Variants in MARCHF3 observed in about 807,000 individuals in gnomAD.
The protein encoded by MARCHF3 is E3 ubiquitin-protein ligase MARCHF3.
Under a neutral mutation model 24.2 loss-of-function variants are expected in MARCHF3, and 13 were observed. The observed-to-expected ratio is 0.54, with a 90% CI of 0.35 to 0.85. The LOEUF is 0.85. Ranked by LOEUF, MARCHF3 falls within the 40% of genes least tolerant of loss-of-function variation. The pLI, the probability that MARCHF3 is intolerant of heterozygous loss-of-function variation, is 0.01. For synonymous variants in MARCHF3, 144 were observed against 137.3 expected (o/e 1.05, Z -0.34); for missense variants, 276 against 325.0 (o/e 0.85, Z 1.16).
chr5:126,934,637 G>C (rs2126805772), intron 1 of MARCHF3, among the ~76,000 whole-genome samples: 1 of 151,938 alleles, frequency 6.6e-6, no homozygotes, highest in East Asian at 1.9e-4. Flanking sequence ...CTTTAAGTTG[G>C]TATGGAGAAT....
At chr5:126,895,361 G>A (rs915954032) in intron 3 of MARCHF3, among the ~76,000 whole-genome samples, 5 of 152,244 alleles carry the variant, frequency 3.3e-5, no homozygotes, top group South Asian at 2.1e-4. Flanking sequence ...GAGGAACTGC[G>A]TTCCTTTGGA....
intron 3 of MARCHF3, among the ~76,000 whole-genome samples, chr5:126,908,887 G>A (rs1158887574): frequency 6.6e-6 from 1 of 152,170 alleles, no homozygotes; most frequent in East Asian, 1.9e-4. Context: ...TTTGGAGGAG[G>A]AGAGGTGCTC....
At position 126,914,811 on chromosome 5, in the gene MARCHF3, C is replaced by CACACAG. The variant is rs1157735403; in HGVS notation, c.393+118_393+119insCTGTGT. 106 of 869,254 alleles carry CACACAG rather than the reference C, an allele frequency of 1.2e-4. 1 individual carries two copies. In the African/African-American group the frequency reaches 1.5e-3, roughly 12 times the overall value. 53.8% of individuals were successfully genotyped at this position (869,254 alleles called of 1,614,324 possible). A position where few individuals can be genotyped will look rare whatever the true frequency, so the allele number is the denominator to read the frequency against. On this transcript the variant is annotated intron_variant, in intron 3 of 4. Transcript: ENST00000308660. ...ACACACACACACACACACACACACA[C>CACACAG]AGTCACATAGCTATTACCGTGCTTC... is the stretch of plus-strand genomic sequence containing the variant.
At chr5:126,886,828 C>T (rs1469482347) in intron 3 of MARCHF3, among the ~76,000 whole-genome samples, 6 of 152,154 alleles carry the variant, frequency 3.9e-5, no homozygotes, top group African/African-American at 1.4e-4. Flanking sequence ...GGAACACCAA[C>T]ACCTGGTGGC....
At chr5:126,992,766 AT>A (rs757479478) in intron 1 of MARCHF3, among the ~76,000 whole-genome samples, 4,540 of 95,396 alleles carry the variant, frequency 0.048, 53 homozygotes, top group African/African-American at 0.11. Flanking sequence ...CATCCACGTG[AT>A]TTTTTTTTTT....
intron 3 of MARCHF3, 163 bp downstream of exon 3, chr5:126,914,767 A>AACTC (rs1754659446): frequency 2.3e-6 from 1 of 432,098 alleles, no homozygotes; most frequent in East Asian, 3.8e-5. Context: ...CTCTTTCTCA[A>AACTC]ACACACACAC....
chr5:126,980,710 C>G (rs1751366331), intron 1 of MARCHF3, among the ~76,000 whole-genome samples: 3 of 152,152 alleles, frequency 2.0e-5, no homozygotes, highest in Non-Finnish European at 2.9e-5. Flanking sequence ...AAATAAAACA[C>G]ATCTATGGTT....
intron 3 of MARCHF3, among the ~76,000 whole-genome samples, chr5:126,884,373 T>C (rs1753440297): frequency 6.6e-6 from 1 of 152,158 alleles, no homozygotes; most frequent in Admixed American, 6.5e-5. Context: ...GCTTCAGATA[T>C]CCATCAAACC....
chr5:126,899,086 T>A (rs1055683003), intron 3 of MARCHF3: 1 of 985,220 alleles, frequency 1.0e-6, no homozygotes, highest in African/African-American at 1.7e-5. Flanking sequence ...TCTGTAATGA[T>A]GGATTGCAAA....
At chr5:126,974,589 G>A (rs1751132768) in intron 1 of MARCHF3, among the ~76,000 whole-genome samples, 1 of 152,222 alleles carries the variant, frequency 6.6e-6, no homozygotes, top group Non-Finnish European at 1.5e-5. Context: ...TGGAGGTTCT[G>A]AAATCAAAAT....
Position 126,909,672 on chromosome 5 carries a change from G to A in MARCHF3, c.393+5258C>T, listed in dbSNP as rs944488747. Among the ~76,000 whole-genome samples the A allele has an allele frequency of 2.0e-5, 3 of 152,190 alleles. No homozygotes were observed. The South Asian group carries it at 6.2e-4, about 32-fold the overall frequency. ...CCAATGCCTCACCCTGCTTTGGCTC[G>A]CACACGGTGCCCGCACCCACTGACC... is the stretch of plus-strand genomic sequence containing the variant. On this transcript the variant is annotated intron_variant, in intron 3 of 4. Coordinates refer to ENST00000308660, the MANE Select transcript of MARCHF3 (RefSeq NM_178450.5).
At chr5:126,936,453 T>C (rs142473212) in intron 1 of MARCHF3, among the ~76,000 whole-genome samples, 2 of 152,286 alleles carry the variant, frequency 1.3e-5, no homozygotes, top group Admixed American at 1.3e-4. Context: ...TATAACATGT[T>C]TAATAGCACT....
chr5:126,976,817 C>G (rs942108852), intron 1 of MARCHF3, among the ~76,000 whole-genome samples: 2 of 152,264 alleles, frequency 1.3e-5, no homozygotes, highest in Admixed American at 6.5e-5. Context: ...GGGCCCTCCA[C>G]CTGCTCACGT....
At chr5:126,933,733 T>C (rs1319728596) in intron 1 of MARCHF3, among the ~76,000 whole-genome samples, 1 of 152,192 alleles carries the variant, frequency 6.6e-6, no homozygotes, top group Non-Finnish European at 1.5e-5. Flanking sequence ...CATGAGCCAC[T>C]GCACCCAGCC....
intron 1 of MARCHF3, among the ~76,000 whole-genome samples, chr5:126,978,718 C>G (rs976054813): frequency 3.3e-5 from 5 of 152,138 alleles, no homozygotes; most frequent in Admixed American, 6.5e-5. Context: ...CAGAACTGCC[C>G]TGACTGTTTC....
At chr5:127,007,337 G>T (rs1221364586) in intron 1 of MARCHF3, among the ~76,000 whole-genome samples, 7 of 146,064 alleles carry the variant, frequency 4.8e-5, no homozygotes, top group African/African-American at 1.3e-4. Flanking sequence ...TTTTTAACTT[G>T]CATACAAGTA....
At chr5:126,906,712 T>C (rs561936529) in intron 3 of MARCHF3, among the ~76,000 whole-genome samples, 1 of 152,348 alleles carries the variant, frequency 6.6e-6, no homozygotes, top group East Asian at 1.9e-4. Context: ...CTCTCTTTTT[T>C]TCTTTATTAG....
At position 126,878,299 on chromosome 5, in the gene MARCHF3, G is replaced by C; in HGVS notation, c.489C>G (p.Gly163=). 1 of 1,614,256 alleles carries C rather than the reference G, an allele frequency of 6.2e-7. No homozygotes were observed. Among genetic ancestry groups the C allele is most frequent in the Non-Finnish European group, 8.5e-7 (1 of 1,180,050 alleles). The part of the protein sequence containing the change: ...LFITPLATIS[G]WLCLRGAVDH... The stretch of plus-strand genomic sequence containing the variant: ...CCACGGCGCCCCGCAGGCACAGCCA[G>C]CCCGAGATGGTGGCCAGGGGAGTTA... The change falls in exon 4 of 5, where the codon GGC becomes GGG. Residue 163 remains glycine, a synonymous_variant. Coordinates refer to ENST00000308660, the MANE Select transcript of MARCHF3 (RefSeq NM_178450.5).
At chr5:126,927,206 G>T (rs1172429176) in intron 1 of MARCHF3, among the ~76,000 whole-genome samples, 1 of 152,076 alleles carries the variant, frequency 6.6e-6, no homozygotes, top group African/African-American at 2.4e-5. Flanking sequence ...AAACAGTCAA[G>T]ATACCAAACA....
Sources: gnomAD v4.1 joint callset for allele counts (sites outside exome capture counted in the v4.1 genomes callset) on GRCh38, gnomAD v4.1.1 for gene constraint, MANE v1.5 for transcripts, NCBI Gene and HGNC (gene_info 2026-07-23, HGNC 2026-07-21) for gene names.